DHRSX: variants seen among roughly 807,000 people sequenced by gnomAD.
The protein encoded by DHRSX is polyprenol dehydrogenase.
In DHRSX, 31 loss-of-function variants were observed where a neutral mutation model predicts 34.0. That is an observed-to-expected ratio of 0.91 (90% CI 0.69 to 1.23). The LOEUF (loss-of-function observed/expected upper bound fraction) is 1.23, where lower values mean the gene tolerates loss of function less well. DHRSX is among the 50% of genes most tolerant of loss of function. The pLI, the probability that DHRSX is intolerant of heterozygous loss-of-function variation, is 0.00. For missense variants in DHRSX, 414 were observed against 428.1 expected (o/e 0.97, Z 0.29); for synonymous variants, 201 against 183.8 (o/e 1.09, Z -0.76).
intron 1 of DHRSX, chrX:2,490,779 A>G (rs2045116198): frequency 1.3e-6 from 2 of 1,569,902 alleles, no homozygotes; most frequent in Non-Finnish European, 1.7e-6. Context: ...CCTGCTGAGA[A>G]GGGCCAAGAC....
intron 3 of DHRSX, among the ~76,000 whole-genome samples, chrX:2,366,457 G>GA (rs1362609224): frequency 6.6e-6 from 1 of 151,504 alleles, no homozygotes; most frequent in African/African-American, 2.4e-5. Flanking sequence ...AAAAAGAAAA[G>GA]AAAAGAAAAA....
At chrX:2,323,469 GAT>G (rs1285748822) in intron 3 of DHRSX, among the ~76,000 whole-genome samples, 2 of 152,060 alleles carry the variant, frequency 1.3e-5, no homozygotes, top group Non-Finnish European at 2.9e-5. Flanking sequence ...CCCCAGAATA[GAT>G]ATGTTTTTTG....
chrX:2,421,083 A>G (rs1341659179), intron 2 of DHRSX, among the ~76,000 whole-genome samples: 2 of 151,874 alleles, frequency 1.3e-5, no homozygotes, highest in Admixed American at 6.6e-5. Flanking sequence ...GTACAAAATT[A>G]TTATTTTAAA....
intron 1 of DHRSX, among the ~76,000 whole-genome samples, chrX:2,478,688 T>A (rs1423099511): frequency 6.6e-6 from 1 of 150,816 alleles, no homozygotes; most frequent in South Asian, 2.1e-4. Flanking sequence ...ACTGAAGATA[T>A]TCCCTAAGAA....
At chrX:2,476,591 T>C (rs1245727481) in intron 1 of DHRSX, among the ~76,000 whole-genome samples, 1 of 152,110 alleles carries the variant, frequency 6.6e-6, no homozygotes, top group Non-Finnish European at 1.5e-5. Flanking sequence ...ACCATTCCAA[T>C]AGAAAGCATT....
At chrX:2,233,094 A>G (rs1355465034) in intron 6 of DHRSX, among the ~76,000 whole-genome samples, 1 of 151,950 alleles carries the variant, frequency 6.6e-6, no homozygotes, top group African/African-American at 2.4e-5. Context: ...AAATATGCCA[A>G]AGAGACTAGA....
intron 1 of DHRSX, among the ~76,000 whole-genome samples, chrX:2,500,002 A>G (rs1188319276): frequency 6.6e-6 from 1 of 152,154 alleles, no homozygotes; most frequent in African/African-American, 2.4e-5. Flanking sequence ...ACAGAGCAAG[A>G]CTTCATCTCT....
chrX:2,410,742 G>C (rs1202421837), intron 2 of DHRSX, among the ~76,000 whole-genome samples: 1 of 152,198 alleles, frequency 6.6e-6, no homozygotes, highest in Non-Finnish European at 1.5e-5. Context: ...TAAAAGAGGA[G>C]AAGCAGTGAA....
intron 5 of DHRSX, among the ~76,000 whole-genome samples, chrX:2,248,734 C>T (rs1162210321): frequency 6.6e-6 from 1 of 151,944 alleles, no homozygotes; most frequent in Non-Finnish European, 1.5e-5. Flanking sequence ...GAGGGTCCCA[C>T]CCCACCCCCA....
chrX:2,314,241 AGGAAG>A (rs2042201642), intron 3 of DHRSX, among the ~76,000 whole-genome samples: 2 of 17,138 alleles, frequency 1.2e-4, no homozygotes, highest in African/African-American at 2.5e-4. Context: ...GAGGGAGGGA[AGGAAG>A]GGAGGGAAGG....
In DHRSX at chrX:2,370,590, G is replaced by GAAAAAAAAAAAAA. The variant is rs59435030; in HGVS notation, c.286+38142_286+38154dup. Among the ~76,000 whole-genome samples, 613 of 132,492 alleles carry GAAAAAAAAAAAAA rather than the reference G, an allele frequency of 4.6e-3. 6 individuals carry two copies. The highest frequency in any genetic ancestry group is 0.041 in the East Asian group (178 of 4,370). 86.9% of individuals were successfully genotyped at this position (132,492 alleles called of 152,430 possible). On this transcript the variant is annotated intron_variant, in intron 3 of 6. Transcript: ENST00000334651. Reference sequence around the variant, plus strand: ...TTGTCTTCCAGAAAATGGTTTTACTGAAAAAAAAAAAAAAAAAATTCCCTT... The same window carrying GAAAAAAAAAAAAA: ...TTGTCTTCCAGAAAATGGTTTTACTGAAAAAAAAAAAAAAAAAAAAAAAAAAAAAAATTCCCTT...
At chrX:2,272,188 TGGACGGGAA>T (rs2041566379) in intron 4 of DHRSX, among the ~76,000 whole-genome samples, 2 of 151,998 alleles carry the variant, frequency 1.3e-5, no homozygotes, top group African/African-American at 2.4e-5. Context: ...TTGCTGTGGG[TGGACGGGAA>T]GCTTTGCATT....
intron 3 of DHRSX, among the ~76,000 whole-genome samples, chrX:2,293,938 C>T (rs1461920190): frequency 6.6e-6 from 1 of 152,042 alleles, no homozygotes; most frequent in Admixed American, 6.6e-5. Flanking sequence ...CTCTCCAAAA[C>T]TATTACTGGA....
In DHRSX at chrX:2,371,560, C is replaced by CCCTCCTGCCATTACCATAGTA. The variant is rs1556494546; in HGVS notation, c.286+37184_286+37185insTACTATGGTAATGGCAGGAGG. Among the ~76,000 whole-genome samples, 317 of 125,564 alleles carry CCCTCCTGCCATTACCATAGTA rather than the reference C, an allele frequency of 2.5e-3. 1 individual carries two copies. The highest frequency in any genetic ancestry group is 7.9e-3 in the African/African-American group (298 of 37,838). 82.4% of individuals were successfully genotyped at this position (125,564 alleles called of 152,430 possible). A position where few individuals can be genotyped will look rare whatever the true frequency, so the allele number is the denominator to read the frequency against. Reference sequence around the variant, plus strand: ...TAGTCCGTCCTTCTGTTACCATAGTCCCTCCTTCCATTACCATAGTACCTC... The same window carrying CCCTCCTGCCATTACCATAGTA: ...TAGTCCGTCCTTCTGTTACCATAGTCCCTCCTGCCATTACCATAGTACCTCCTTCCATTACCATAGTACCTC... On this transcript the variant is annotated intron_variant, in intron 3 of 6. Transcript: ENST00000334651.
At chrX:2,365,783 A>G (rs2042988217) in intron 3 of DHRSX, among the ~76,000 whole-genome samples, 1 of 151,920 alleles carries the variant, frequency 6.6e-6, no homozygotes, top group Admixed American at 6.6e-5. Flanking sequence ...CTCTGTGAAC[A>G]CCGGGGCCTG....
intron 3 of DHRSX, among the ~76,000 whole-genome samples, chrX:2,308,500 T>C (rs1351639382): frequency 6.6e-6 from 1 of 152,080 alleles, no homozygotes; most frequent in Admixed American, 6.6e-5. Flanking sequence ...AAGACAGCAA[T>C]GATTGAAGTC....
At chrX:2,468,784 T>A (rs2044539299) in intron 1 of DHRSX, among the ~76,000 whole-genome samples, 1 of 151,160 alleles carries the variant, frequency 6.6e-6, no homozygotes, top group Admixed American at 6.6e-5. Flanking sequence ...CTGAAGACAT[T>A]CCCTAAGCAT....
At chrX:2,350,414 G>C (rs1430203831) in intron 3 of DHRSX, among the ~76,000 whole-genome samples, 1 of 152,112 alleles carries the variant, frequency 6.6e-6, no homozygotes, top group Non-Finnish European at 1.5e-5. Flanking sequence ...AAAAAGAAGG[G>C]AATTCTGTCA....
chrX:2,341,369 T>C (rs2042637229), intron 3 of DHRSX, among the ~76,000 whole-genome samples: 1 of 152,090 alleles, frequency 6.6e-6, no homozygotes, highest in African/African-American at 2.4e-5. Context: ...TACAGGGACA[T>C]GCTCCCTGCT....
Sources: allele counts gnomAD v4.1 joint callset (sites outside exome capture counted in the v4.1 genomes callset), GRCh38; gene constraint gnomAD v4.1.1; transcripts MANE v1.5; gene names NCBI Gene and HGNC (gene_info 2026-07-23, HGNC 2026-07-21).